SAMD5: variants seen among roughly 807,000 people sequenced by gnomAD.
The protein encoded by SAMD5 is sterile alpha motif domain-containing protein 5.
In SAMD5, 13 loss-of-function variants were observed where a neutral mutation model predicts 11.3. That is an observed-to-expected ratio of 1.15 (90% CI 0.75 to 1.83). SAMD5 has a LOEUF of 1.83. Ranked by LOEUF, SAMD5 falls within the 40% of genes most tolerant of loss-of-function variation. The pLI, the probability that SAMD5 is intolerant of heterozygous loss-of-function variation, is 0.00. For missense variants in SAMD5, 255 were observed against 239.1 expected (o/e 1.07, Z -0.44); for synonymous variants, 129 against 111.3 (o/e 1.16, Z -1.00).
chr6:147,859,561 T>C, the SAMD5 span, among the ~76,000 whole-genome samples: 2 of 152,202 alleles, frequency 1.3e-5, no homozygotes, highest in Admixed American at 6.5e-5. Context: ...GGCTAAAAGA[T>C]AAAACAATTA....
At chr6:147,799,033 C>T in the SAMD5 span, among the ~76,000 whole-genome samples, 1 of 152,110 alleles carries the variant, frequency 6.6e-6, no homozygotes, top group Non-Finnish European at 1.5e-5. Flanking sequence ...GTTTGCCAGT[C>T]TGTGTCTTTT....
chr6:147,527,454 C>G (rs551127437), intron 1 of SAMD5, among the ~76,000 whole-genome samples: 116 of 152,224 alleles, frequency 7.6e-4, no homozygotes, highest in South Asian at 1.2e-3. Flanking sequence ...TGGAGCCAAA[C>G]CATTCATGAG....
chr6:147,518,613 C>T (rs537817), intron 1 of SAMD5, among the ~76,000 whole-genome samples: 71,590 of 151,948 alleles, frequency 0.47, 19,628 homozygotes, highest in African/African-American at 0.77. Context: ...GGTGAAGACA[C>T]CCTGAAGATG....
At chr6:147,720,243 C>T (rs1231451065) in intron 1 of SAMD5, among the ~76,000 whole-genome samples, 1 of 152,098 alleles carries the variant, frequency 6.6e-6, no homozygotes, top group African/African-American at 2.4e-5. Context: ...GGGCGGATCA[C>T]GAGGTCAGGA....
intron 1 of SAMD5, among the ~76,000 whole-genome samples, chr6:147,583,060 A>C (rs1343644231): frequency 6.6e-6 from 1 of 152,208 alleles, no homozygotes; most frequent in Non-Finnish European, 1.5e-5. Context: ...AGACTTAAAG[A>C]TTTCTTAAAG....
intron 1 of SAMD5, among the ~76,000 whole-genome samples, chr6:147,689,111 T>A (rs1791062930): frequency 6.6e-6 from 1 of 152,108 alleles, no homozygotes; most frequent in Admixed American, 6.5e-5. Context: ...AGGAGTAGAG[T>A]TTATTGAAAG....
At chr6:147,595,665 T>G (rs1789518649) in intron 1 of SAMD5, among the ~76,000 whole-genome samples, 1 of 151,710 alleles carries the variant, frequency 6.6e-6, no homozygotes, top group African/African-American at 2.4e-5. Context: ...TAGCTGGGAC[T>G]ACAGGTGCCC....
chr6:147,508,923 C>T lies in SAMD5; in HGVS notation c.-6C>T. 1.9e-6 allele frequency: 3 copies of T among 1,588,508 alleles called. No individual in the cohort carries two copies. Among genetic ancestry groups the T allele is most frequent in the Non-Finnish European group, 2.6e-6 (3 of 1,168,500 alleles). On this transcript the variant is annotated 5_prime_UTR_variant, in exon 1 of 2. Transcript: ENST00000367474. ...GGTGCTCGGCGGCGGGGTTCCCGGTCCCACCATGTGCACCAACATAGTTTA... is the reference window on the plus strand; with the variant it reads ...GGTGCTCGGCGGCGGGGTTCCCGGTTCCACCATGTGCACCAACATAGTTTA...
chr6:147,539,307 C>T (rs1373188661), intron 1 of SAMD5, among the ~76,000 whole-genome samples: 1 of 152,138 alleles, frequency 6.6e-6, no homozygotes, highest in African/African-American at 2.4e-5. Context: ...CAGTCGCGGG[C>T]GAGGATGTTT....
At chr6:147,724,941 T>A (rs1791605212) in intron 1 of SAMD5, among the ~76,000 whole-genome samples, 1 of 152,090 alleles carries the variant, frequency 6.6e-6, no homozygotes, top group Non-Finnish European at 1.5e-5. Context: ...AACTAGCTAA[T>A]GTATGAGTTT....
chr6:147,671,972 T>C (rs980877730), intron 1 of SAMD5, among the ~76,000 whole-genome samples: 1 of 145,148 alleles, frequency 6.9e-6, no homozygotes, highest in African/African-American at 2.5e-5. Context: ...ACAAATTCCA[T>C]AGAAAATTCT....
At chr6:147,510,503 C>T (rs1426847290) in intron 1 of SAMD5, among the ~76,000 whole-genome samples, 1 of 152,162 alleles carries the variant, frequency 6.6e-6, no homozygotes, top group Non-Finnish European at 1.5e-5. Context: ...GCTGGTGGGC[C>T]ACAGAAACCC....
intron 1 of SAMD5, among the ~76,000 whole-genome samples, chr6:147,624,320 C>T (rs1482338593): frequency 6.9e-6 from 1 of 144,368 alleles, no homozygotes; most frequent in Admixed American, 6.8e-5. Flanking sequence ...CCACCCCCAT[C>T]CCTAGCCCAC....
intron 1 of SAMD5, among the ~76,000 whole-genome samples, chr6:147,720,793 A>G (rs1791539941): frequency 6.7e-6 from 1 of 149,640 alleles, no homozygotes; most frequent in East Asian, 2.0e-4. Flanking sequence ...GGTGCGCTGC[A>G]CCCACTAACT....
At chr6:147,609,669 A>G (rs1789752891) in intron 1 of SAMD5, among the ~76,000 whole-genome samples, 1 of 151,840 alleles carries the variant, frequency 6.6e-6, no homozygotes, top group Non-Finnish European at 1.5e-5. Context: ...CGATTCTCCT[A>G]CCTCAGCCTC....
chr6:147,553,692 C>T (rs566400886), intron 1 of SAMD5, among the ~76,000 whole-genome samples: 1 of 152,290 alleles, frequency 6.6e-6, no homozygotes, highest in East Asian at 1.9e-4. Context: ...TACGTGTTTT[C>T]CTGCTTTAGG....
At chr6:147,770,072 C>G in the SAMD5 span, among the ~76,000 whole-genome samples, 1 of 152,112 alleles carries the variant, frequency 6.6e-6, no homozygotes, top group East Asian at 1.9e-4. Context: ...TTGGAACCAA[C>G]AGATGATTTT....
the SAMD5 span, among the ~76,000 whole-genome samples, chr6:147,812,430 G>A: frequency 6.6e-6 from 1 of 151,992 alleles, no homozygotes; most frequent in Non-Finnish European, 1.5e-5. Context: ...TTTGGGGAGC[G>A]GAAGGGCTCA....
At chr6:147,587,726 C>T (rs1789395912) in intron 1 of SAMD5, among the ~76,000 whole-genome samples, 1 of 152,134 alleles carries the variant, frequency 6.6e-6, no homozygotes, top group Non-Finnish European at 1.5e-5. Context: ...TCTCCTGCAG[C>T]AGTTTCAAGA....
Sources: gnomAD v4.1 joint callset for allele counts (sites outside exome capture counted in the v4.1 genomes callset) on GRCh38, gnomAD v4.1.1 for gene constraint, MANE v1.5 for transcripts, NCBI Gene and HGNC (gene_info 2026-07-23, HGNC 2026-07-21) for gene names.